RUNX1: variants seen among roughly 807,000 people sequenced by gnomAD.
The protein encoded by RUNX1 is RUNX family transcription factor 1.
Under a neutral mutation model 42.8 loss-of-function variants are expected in RUNX1, and 19 were observed. That is an observed-to-expected ratio of 0.44 (90% confidence interval 0.31 to 0.65). The LOEUF is 0.65. Among genes scored for constraint, RUNX1 ranks in the 30% least tolerant of loss-of-function variants. The pLI, the probability that RUNX1 is intolerant of heterozygous loss-of-function variation, is 0.07. For synonymous variants in RUNX1, 271 were observed against 289.4 expected, an observed-to-expected ratio of 0.94 and a Z score of 0.64; for missense variants, 528 against 672.0, an observed-to-expected ratio of 0.79 and a Z score of 2.37.
chr21:35,018,193 T>G (rs2059173317), intron 2 of RUNX1, among the ~76,000 whole-genome samples: 1 of 152,088 alleles, frequency 6.6e-6, no homozygotes, highest in Non-Finnish European at 1.5e-5. Flanking sequence ...GTCCAGATAA[T>G]TTTTGCATTT....
intron 5 of RUNX1, among the ~76,000 whole-genome samples, chr21:34,872,532 T>G (rs1410290772): frequency 1.3e-5 from 2 of 152,266 alleles, no homozygotes; most frequent in East Asian, 1.9e-4. Context: ...TCTCTATTTT[T>G]TATTCTGTGC....
Position 34,995,127 on chromosome 21 carries a change from G to A in RUNX1, c.58+53715C>T, listed in dbSNP as rs528120695. Among the ~76,000 whole-genome samples the A allele has an allele frequency of 7.2e-5, 11 of 152,328 alleles. No individual in the cohort carries two copies. In the South Asian group the frequency reaches 1.7e-3, roughly 23 times the overall value. Reference sequence around the variant, plus strand: ...GGCTGTGCCATGTTGGGGGACTGAGGGGTGGGGACCGGCTCCTGAGCATGG... The same window carrying A: ...GGCTGTGCCATGTTGGGGGACTGAGAGGTGGGGACCGGCTCCTGAGCATGG... On this transcript the variant is annotated intron_variant, in intron 2 of 8. Transcript: ENST00000675419.
At chr21:34,894,412 T>C (rs1172790676) in intron 2 of RUNX1, among the ~76,000 whole-genome samples, 1 of 152,126 alleles carries the variant, frequency 6.6e-6, no homozygotes, top group Non-Finnish European at 1.5e-5. Context: ...AAAACTGTGA[T>C]TGGTAACTAT....
intron 2 of RUNX1, among the ~76,000 whole-genome samples, chr21:34,964,360 C>CGGGT (rs1569128069): frequency 2.6e-5 from 4 of 151,902 alleles, no homozygotes; most frequent in African/African-American, 9.7e-5. Flanking sequence ...TGGTGGCACA[C>CGGGT]GCCTGTAGTC....
At chr21:34,859,343 C>A in intron 6 of RUNX1, 131 bp downstream of exon 6, 1 of 773,972 alleles carries the variant, frequency 1.3e-6, no homozygotes, top group Non-Finnish European at 2.3e-6. Flanking sequence ...AACTTTTTGG[C>A]TTTACGGGGG....
In RUNX1 at chr21:34,791,591, T is replaced by G; in HGVS notation, c.*544A>C. 4.4e-6 allele frequency: 1 copy of G among 229,660 alleles called. No homozygotes were observed. Among genetic ancestry groups the G allele is most frequent in the Non-Finnish European group, 8.6e-6 (1 of 115,794 alleles). 14.2% of individuals were successfully genotyped at this position (229,660 alleles called of 1,614,324 possible). ...ATATTTATATAAACGTATATAAAAATAAAAACCACCCAAATGCAAATACGC... is the reference window on the plus strand; with the variant it reads ...ATATTTATATAAACGTATATAAAAAGAAAAACCACCCAAATGCAAATACGC... On this transcript the variant is annotated 3_prime_UTR_variant, in exon 9 of 9. Coordinates refer to ENST00000675419, the MANE Select transcript of RUNX1 (RefSeq NM_001754.5).
chr21:35,049,170 C>T lies in RUNX1; in HGVS notation c.-62G>A, dbSNP rs550878860. On this transcript the variant is annotated splice_region_variant and 5_prime_UTR_variant, in exon 1 of 9. It adds an upstream start codon to the 5' untranslated region. Coordinates refer to ENST00000675419, the MANE Select transcript of RUNX1 (RefSeq NM_001754.5). ...GGCTGTGGGTTGGTGATGCTCACCA[C>T]GCTGCGAAACCCTGTGGTTTGCATT... 2 of 473,538 alleles carry T rather than the reference C, an allele frequency of 4.2e-6. No individual in the cohort carries two copies. Among genetic ancestry groups the T allele is most frequent in the African/African-American group, 2.0e-5 (1 of 51,022 alleles). The allele number at this position is 473,538 out of a possible 1,614,324, so 29.3% of individuals were successfully genotyped here. A position where few individuals can be genotyped will look rare whatever the true frequency, so the allele number is the denominator to read the frequency against.
At chr21:34,936,998 A>G (rs1036069026) in intron 2 of RUNX1, among the ~76,000 whole-genome samples, 1 of 152,198 alleles carries the variant, frequency 6.6e-6, no homozygotes, top group South Asian at 2.1e-4. Flanking sequence ...CAGAACAGAC[A>G]GAGGGGAGAC....
intron 2 of RUNX1, among the ~76,000 whole-genome samples, chr21:34,941,471 C>T (rs951984859): frequency 1.3e-5 from 2 of 152,192 alleles, no homozygotes; most frequent in African/African-American, 4.8e-5. Context: ...AACTTCACTA[C>T]ACAGAGAGCC....
intron 7 of RUNX1, among the ~76,000 whole-genome samples, chr21:34,809,418 G>A (rs540537398): frequency 6.6e-6 from 1 of 151,954 alleles, no homozygotes; most frequent in Non-Finnish European, 1.5e-5. Context: ...ACTCACTCCA[G>A]TAAAACAAAT....
At chr21:34,981,340 C>T (rs1296402490) in intron 2 of RUNX1, among the ~76,000 whole-genome samples, 1 of 152,158 alleles carries the variant, frequency 6.6e-6, no homozygotes, top group East Asian at 1.9e-4. Flanking sequence ...ATAAGTGAGG[C>T]ATGGCAATAC....
intron 2 of RUNX1, among the ~76,000 whole-genome samples, chr21:34,959,728 G>T (rs1370091555): frequency 6.6e-6 from 1 of 152,190 alleles, no homozygotes; most frequent in Non-Finnish European, 1.5e-5. Context: ...AGAAAGCTCA[G>T]CTGGGAACTG....
At chr21:35,009,506 C>T (rs2059110172) in intron 2 of RUNX1, among the ~76,000 whole-genome samples, 1 of 152,164 alleles carries the variant, frequency 6.6e-6, no homozygotes, top group South Asian at 2.1e-4. Context: ...GTTAATTACA[C>T]ATTATTATAT....
chr21:34,911,707 T>G (rs372310675), intron 2 of RUNX1, among the ~76,000 whole-genome samples: 43 of 152,266 alleles, frequency 2.8e-4, no homozygotes, highest in African/African-American at 1.0e-3. Context: ...TTCCAGGCCC[T>G]GGAGGAAACC....
At chr21:34,929,170 C>A (rs1313341224) in intron 2 of RUNX1, among the ~76,000 whole-genome samples, 1 of 152,144 alleles carries the variant, frequency 6.6e-6, no homozygotes, top group Non-Finnish European at 1.5e-5. Context: ...AGATGCAGTC[C>A]TTCCCTGGAA....
At chr21:34,800,380 G>T (rs1569009789) in intron 7 of RUNX1, among the ~76,000 whole-genome samples, 1 of 152,206 alleles carries the variant, frequency 6.6e-6, no homozygotes, top group Non-Finnish European at 1.5e-5. Flanking sequence ...CCCACTAGAA[G>T]ACAGTTTTAC....
At chr21:34,818,358 A>G (rs2056860602) in intron 7 of RUNX1, among the ~76,000 whole-genome samples, 1 of 152,268 alleles carries the variant, frequency 6.6e-6, no homozygotes, top group South Asian at 2.1e-4. Flanking sequence ...AGTTTATTAA[A>G]TAAGAGCGGG....
intron 7 of RUNX1, among the ~76,000 whole-genome samples, chr21:34,801,066 G>A (rs1057355977): frequency 1.3e-5 from 2 of 151,612 alleles, no homozygotes; most frequent in African/African-American, 2.4e-5. Context: ...AATAGCAGAC[G>A]GTTCAATATC....
chr21:34,792,313 T>G lies in RUNX1; in HGVS notation c.1265A>C (p.Glu422Ala), dbSNP rs2056451758. ...CGGCAGGATGCGCGGCGGCGAGCGCTCGCCGCCCACCATGGAGAACTGGTA... is the reference window on the plus strand; with the variant it reads ...CGGCAGGATGCGCGGCGGCGAGCGCGCGCCGCCCACCATGGAGAACTGGTA... ...GSYQFSMVGG[E>A]RSPPRILPPC... Residue 422 changes from glutamate (E) to alanine (A), a missense_variant, in exon 9 of 9, where the codon GAG becomes GCG. Glu to Ala is a moderately radical substitution (Grantham distance 107, BLOSUM62 -1). Transcript: ENST00000675419. This position sits in a 1 kb window ranked among gnomAD's most constrained non-coding sequence, Gnocchi z 6.9. 2,207 of 1,264,374 alleles carry G rather than the reference T, an allele frequency of 1.7e-3. No homozygotes were observed. The highest frequency in any genetic ancestry group is 4.7e-3 in the East Asian group (137 of 29,388). 78.3% of individuals were successfully genotyped at this position (1,264,374 alleles called of 1,614,324 possible).
Sources: gnomAD v4.1 joint callset for allele counts (sites outside exome capture counted in the v4.1 genomes callset) on GRCh38, gnomAD v4.1.1 for gene constraint, Gnocchi (gnomAD v3.1) non-coding constraint, MANE v1.5 for transcripts, NCBI Gene and HGNC (gene_info 2026-07-23, HGNC 2026-07-21) for gene names.